ASIC2: variants seen among roughly 807,000 people sequenced by gnomAD.
ASIC2 encodes the protein acid sensing ion channel subunit 2, also known as acid-sensing ion channel 2.
ASIC2 carries 25 observed loss-of-function variants against 57.3 expected under a neutral mutation model. That is an observed-to-expected ratio of 0.44 (90% confidence interval 0.32 to 0.61). ASIC2 has a LOEUF of 0.61. Ranked by LOEUF, ASIC2 falls within the 20% of genes least tolerant of loss-of-function variation. The pLI, the probability that ASIC2 is intolerant of heterozygous loss-of-function variation, is 0.06. For missense variants in ASIC2, 641 were observed against 738.1 expected, an observed-to-expected ratio of 0.87 and a Z score of 1.52; for synonymous variants, 319 against 307.5, an observed-to-expected ratio of 1.04 and a Z score of -0.39.
At chr17:33,058,186 C>T (rs1278418742) in intron 3 of ASIC2, among the ~76,000 whole-genome samples, 1 of 152,034 alleles carries the variant, frequency 6.6e-6, no homozygotes, top group Non-Finnish European at 1.5e-5. Context: ...TTCATATACA[C>T]AAGCTTATTT....
intron 1 of ASIC2, among the ~76,000 whole-genome samples, chr17:33,848,619 A>G (rs1913679042): frequency 6.6e-6 from 1 of 152,176 alleles, no homozygotes. Flanking sequence ...TTTACAAAAG[A>G]GCAAAAATAA....
intron 1 of ASIC2, among the ~76,000 whole-genome samples, chr17:33,561,141 T>C (rs1185623830): frequency 6.6e-6 from 1 of 152,156 alleles, no homozygotes; most frequent in Non-Finnish European, 1.5e-5. Flanking sequence ...AATGAGAATG[T>C]TAGGCCCACT....
In ASIC2 at chr17:33,789,102, G is replaced by A. The variant is rs567174031; in HGVS notation, c.555+366876C>T. 2.6e-5 allele frequency among the ~76,000 whole-genome samples: 4 copies of A among 152,224 alleles called. No homozygotes were observed. In the East Asian group the frequency reaches 5.8e-4, roughly 22 times the overall value. ...TTGCAGTGTAAGACATGCCTGCCCC[G>A]TTCAGCTTCTGCCATGATTATAACC... On this transcript the variant is annotated intron_variant, in intron 1 of 9. Transcript: ENST00000359872.
intron 1 of ASIC2, among the ~76,000 whole-genome samples, chr17:33,898,971 TG>T (rs1363086481): frequency 6.6e-6 from 1 of 152,130 alleles, no homozygotes; most frequent in African/African-American, 2.4e-5. Context: ...CTCCAATGGC[TG>T]TTGCCCGCTT....
intron 1 of ASIC2, chr17:34,037,856 G>C: frequency 6.2e-7 from 1 of 1,613,932 alleles, no homozygotes; most frequent in East Asian, 2.2e-5. Context: ...TTTAAGAATC[G>C]TATTCTCTTG....
At chr17:33,664,671 G>A (rs141559982) in intron 1 of ASIC2, among the ~76,000 whole-genome samples, 1,570 of 152,344 alleles carry the variant, frequency 0.01, 13 homozygotes, top group Middle Eastern at 0.034. Flanking sequence ...GAAATGGACA[G>A]TTGATAGAGC....
At chr17:33,422,702 C>G (rs1444479988) in intron 1 of ASIC2, among the ~76,000 whole-genome samples, 1 of 152,184 alleles carries the variant, frequency 6.6e-6, no homozygotes, top group African/African-American at 2.4e-5. Context: ...GAGACTTAAT[C>G]CTAATGCCTC....
At chr17:33,416,747 G>A (rs907695826) in intron 1 of ASIC2, among the ~76,000 whole-genome samples, 1 of 152,208 alleles carries the variant, frequency 6.6e-6, no homozygotes, top group South Asian at 2.1e-4. Flanking sequence ...GGTTTGGAGT[G>A]GTTCAGGCTT....
intron 1 of ASIC2, among the ~76,000 whole-genome samples, chr17:33,598,548 A>AGGGCT (rs1244921426): frequency 6.6e-6 from 1 of 152,162 alleles, no homozygotes; most frequent in Non-Finnish European, 1.5e-5. Context: ...TGAAAATGTC[A>AGGGCT]GGGCTGGTAT....
intron 1 of ASIC2, among the ~76,000 whole-genome samples, chr17:33,288,422 A>G (rs906881256): frequency 1.3e-5 from 2 of 152,086 alleles, no homozygotes; most frequent in Non-Finnish European, 2.9e-5. Flanking sequence ...TGTTCTGTAG[A>G]CCTTGAGTAT....
intron 1 of ASIC2, among the ~76,000 whole-genome samples, chr17:33,151,033 G>GA (rs1904770269): frequency 7.0e-6 from 1 of 143,792 alleles, no homozygotes; most frequent in African/African-American, 2.6e-5. Context: ...CCATCTGGAG[G>GA]AAAAAATAAA....
intron 1 of ASIC2, among the ~76,000 whole-genome samples, chr17:33,841,397 C>T (rs1318411737): frequency 6.6e-6 from 1 of 152,082 alleles, no homozygotes; most frequent in Admixed American, 6.5e-5. Flanking sequence ...AGTCTAAAAG[C>T]CAGGCTTTAA....
chr17:33,626,889 C>G (rs1906002399), intron 1 of ASIC2: 1 of 152,264 alleles, frequency 6.6e-6, no homozygotes, highest in Admixed American at 6.5e-5. Context: ...GACCATGTGA[C>G]TTCTTTGCTC....
intron 1 of ASIC2, among the ~76,000 whole-genome samples, chr17:34,068,536 C>G (rs529393923): frequency 3.3e-5 from 5 of 152,130 alleles, no homozygotes; most frequent in Non-Finnish European, 5.9e-5. Context: ...ACTTTGTGAC[C>G]TTTAGCAAGC....
intron 1 of ASIC2, among the ~76,000 whole-genome samples, chr17:33,505,647 A>G (rs1462279232): frequency 6.6e-6 from 1 of 152,218 alleles, no homozygotes; most frequent in East Asian, 1.9e-4. Flanking sequence ...CCATATCCTC[A>G]GATTCAACTT....
intron 1 of ASIC2, among the ~76,000 whole-genome samples, chr17:33,827,154 A>G (rs143391828): frequency 7.6e-4 from 115 of 152,236 alleles, no homozygotes; most frequent in Middle Eastern, 3.4e-3. Context: ...CTTATCTATT[A>G]AATGGGAATA....
chr17:33,049,285 A>G (rs747927529), intron 3 of ASIC2, among the ~76,000 whole-genome samples: 7 of 152,198 alleles, frequency 4.6e-5, no homozygotes, highest in African/African-American at 7.2e-5. Flanking sequence ...CTGTGTGCCA[A>G]AGGTAGACAG....
At chr17:33,773,107 T>A (rs150996131) in intron 1 of ASIC2, among the ~76,000 whole-genome samples, 3 of 152,238 alleles carry the variant, frequency 2.0e-5, no homozygotes, top group Non-Finnish European at 4.4e-5. Context: ...TGACACATTA[T>A]ACCAGATGAT....
At chr17:33,347,811 G>A (rs1908010555) in intron 1 of ASIC2, among the ~76,000 whole-genome samples, 1 of 152,150 alleles carries the variant, frequency 6.6e-6, no homozygotes, top group South Asian at 2.1e-4. Context: ...GGGTAAAAAT[G>A]GATTGTTATG....
Sources: gnomAD v4.1 joint callset for allele counts (sites outside exome capture counted in the v4.1 genomes callset) on GRCh38, gnomAD v4.1.1 for gene constraint, MANE v1.5 for transcripts, NCBI Gene and HGNC (gene_info 2026-07-23, HGNC 2026-07-21) for gene names.